The following STAM2 variants were observed in gnomAD, a reference collection of about 807,000 sequenced individuals.
STAM2 encodes signal transducing adapter molecule 2.
In STAM2, 51 loss-of-function variants were observed where a neutral mutation model predicts 65.6. The observed-to-expected ratio is 0.78, with a 90% CI of 0.62 to 0.98. The LOEUF (loss-of-function observed/expected upper bound fraction) is 0.98, where lower values mean the gene tolerates loss of function less well. Among genes scored for constraint, STAM2 ranks in the 50% least tolerant of loss-of-function variants. The pLI is 0.00. For synonymous variants in STAM2, 198 were observed against 208.4 expected, an observed-to-expected ratio of 0.95 and a Z score of 0.43; for missense variants, 584 against 617.8, an observed-to-expected ratio of 0.95 and a Z score of 0.58.
chr2:152,155,682 G>C (rs1419856428), intron 1 of STAM2, among the ~76,000 whole-genome samples: 2 of 152,144 alleles, frequency 1.3e-5, no homozygotes, highest in Non-Finnish European at 2.9e-5. Context: ...TTATGATGCA[G>C]TTTTTGCTAT....
In STAM2 at chr2:152,118,684, C is replaced by T. The variant is rs553624612; in HGVS notation, c.*1890G>A. On this transcript the variant is annotated 3_prime_UTR_variant, in exon 14 of 14. Coordinates refer to ENST00000263904, the MANE Select transcript of STAM2 (RefSeq NM_005843.6). ...TATATATGCAAATGTTGACTATTATCGAGAGCAGCTTTGGATTTTTTTTAA... is the reference window on the plus strand; with the variant it reads ...TATATATGCAAATGTTGACTATTATTGAGAGCAGCTTTGGATTTTTTTTAA... The T allele has an allele frequency of 2.2e-4, 33 of 149,462 alleles. No homozygotes were observed. In the South Asian group the frequency reaches 5.7e-3, roughly 26 times the overall value. 9.3% of individuals were successfully genotyped at this position (149,462 alleles called of 1,614,324 possible).
chr2:152,126,247 T>C lies in STAM2; in HGVS notation c.1158A>G (p.Ala386=), dbSNP rs776924816. The change falls in exon 12 of 14, where the codon GCA becomes GCG. Residue 386 remains alanine, a synonymous_variant. Transcript: ENST00000263904. ...TCACCTGCATTGGAACCCCAGATGA[T>C]GCAGGTGGGTAATGTGCTGGAGGGT... ...KLHPPAHYPP[A]SSGVPMQTYP... The C allele has an allele frequency of 1.3e-6, 2 of 1,598,686 alleles. No homozygotes were observed. The highest frequency in any genetic ancestry group is 1.1e-5 in the South Asian group (1 of 88,022).
intron 1 of STAM2, among the ~76,000 whole-genome samples, chr2:152,168,865 T>C (rs1189726350): frequency 1.3e-5 from 2 of 152,214 alleles, no homozygotes; most frequent in African/African-American, 4.8e-5. Flanking sequence ...TTGATTATTG[T>C]CTATTGTCAA....
chr2:152,163,602 C>T (rs1377431067), intron 1 of STAM2, among the ~76,000 whole-genome samples: 2 of 152,112 alleles, frequency 1.3e-5, no homozygotes, highest in African/African-American at 2.4e-5. Context: ...GGTCTGACTG[C>T]CTGCGGGGTA....
intron 13 of STAM2, among the ~76,000 whole-genome samples, chr2:152,122,270 T>C (rs1281490363): frequency 6.6e-6 from 1 of 150,758 alleles, no homozygotes; most frequent in African/African-American, 2.4e-5. Context: ...CTACAAAAAA[T>C]TAATAACATT....
At chr2:152,132,310 T>C in intron 10 of STAM2, 142 bp from the exon 11 acceptor site, 1 of 561,342 alleles carries the variant, frequency 1.8e-6, no homozygotes, top group Non-Finnish European at 3.1e-6. Context: ...AGACTACTAT[T>C]CAGCACTACT....
intron 1 of STAM2, among the ~76,000 whole-genome samples, chr2:152,171,465 A>G (rs1459355950): frequency 6.6e-6 from 1 of 152,228 alleles, no homozygotes; most frequent in Admixed American, 6.5e-5. Context: ...AGAGTGGCCT[A>G]GTTAAGTAAA....
intron 1 of STAM2, among the ~76,000 whole-genome samples, chr2:152,171,418 A>T (rs1044829036): frequency 8.8e-5 from 8 of 90,988 alleles, no homozygotes; most frequent in East Asian, 1.5e-3. Flanking sequence ...TTTTAAAAAA[A>T]TTTTTACTTT....
intron 1 of STAM2, among the ~76,000 whole-genome samples, chr2:152,169,209 G>C (rs139139303): frequency 1.2e-4 from 18 of 152,242 alleles, no homozygotes; most frequent in Non-Finnish European, 2.1e-4. Context: ...CTAAAGATTA[G>C]TAAGAAATGT....
intron 13 of STAM2, among the ~76,000 whole-genome samples, chr2:152,122,077 T>C (rs1254432456): frequency 1.1e-5 from 1 of 89,658 alleles, no homozygotes; most frequent in African/African-American, 3.7e-5. Context: ...TATATATATA[T>C]GTGTGTGTGT....
rs1688901995 is a variant in STAM2 at position 152,123,678 on chromosome 2, CTTCATCTTAAT to C, written c.1349+77_1349+87del. 7 of 1,277,000 alleles carry C rather than the reference CTTCATCTTAAT, an allele frequency of 5.5e-6. 1 individual carries two copies. In the African/African-American group the frequency reaches 1.1e-4, roughly 19 times the overall value. 79.1% of individuals were successfully genotyped at this position (1,277,000 alleles called of 1,614,324 possible). A position where few individuals can be genotyped will look rare whatever the true frequency, so the allele number is the denominator to read the frequency against. On this transcript the variant is annotated intron_variant, in intron 13 of 13. Coordinates refer to ENST00000263904, the MANE Select transcript of STAM2 (RefSeq NM_005843.6). ...GGATTATGAATAAACAGTTCTGTAA[CTTCATCTTAAT>C]AAGGGTCTATATATTCTCATTCTGA...
chr2:152,172,121 G>A (rs1459216866), intron 1 of STAM2, among the ~76,000 whole-genome samples: 1 of 152,180 alleles, frequency 6.6e-6, no homozygotes, highest in Non-Finnish European at 1.5e-5. Flanking sequence ...GGGGAGAAGA[G>A]GTGGGACCTA....
intron 13 of STAM2, among the ~76,000 whole-genome samples, chr2:152,122,010 T>G (rs1354532381): frequency 6.6e-6 from 1 of 151,034 alleles, no homozygotes; most frequent in East Asian, 1.9e-4. Flanking sequence ...ATCATGCTGC[T>G]GCACTCCAGC....
intron 7 of STAM2, among the ~76,000 whole-genome samples, chr2:152,143,619 A>G (rs114050729): frequency 6.6e-6 from 1 of 152,254 alleles, no homozygotes; most frequent in African/African-American, 2.4e-5. Context: ...TTCATCCAAG[A>G]TATAAATTAT....
chr2:152,174,637 C>T (rs970716124), intron 1 of STAM2, among the ~76,000 whole-genome samples: 1 of 152,142 alleles, frequency 6.6e-6, no homozygotes, highest in African/African-American at 2.4e-5. Flanking sequence ...AGTCTCCCCG[C>T]CCCAACCCCA....
At chr2:152,169,856 CTT>C (rs534239660) in intron 1 of STAM2, among the ~76,000 whole-genome samples, 10 of 142,154 alleles carry the variant, frequency 7.0e-5, no homozygotes, top group African/African-American at 7.7e-5. Context: ...AAGAGCTACA[CTT>C]TTTTTTTTTT....
Position 152,150,154 on chromosome 2 carries a change from G to T in STAM2, c.116C>A (p.Thr39Asn), listed in dbSNP as rs773907134. Reference sequence around the variant, plus strand: ...TGACTGGACATCTTACCCATTAGGAGTACTTCCAACTTTGTCACATATGTC... The same window carrying T: ...TGACTGGACATCTTACCCATTAGGATTACTTCCAACTTTGTCACATATGTC... Reference protein sequence around the residue: ...IMDICDKVGSTPNGAKDCLKA... With the variant: ...IMDICDKVGSNPNGAKDCLKA... The change falls in exon 2 of 14, where the codon ACT becomes AAT. Residue 39 changes from threonine to asparagine, a missense_variant. Coordinates refer to ENST00000263904, the MANE Select transcript of STAM2 (RefSeq NM_005843.6). 3 of 1,609,352 alleles carry T rather than the reference G, an allele frequency of 1.9e-6. No individual in the cohort carries two copies. The South Asian group carries it at 3.3e-5, about 18-fold the overall frequency.
At chr2:152,175,316 C>A (rs974924253) in intron 1 of STAM2, among the ~76,000 whole-genome samples, 1 of 152,192 alleles carries the variant, frequency 6.6e-6, no homozygotes, top group Non-Finnish European at 1.5e-5. Flanking sequence ...CTTAATCAGT[C>A]CAGTCTCCAG....
intron 12 of STAM2, 54 bp from the exon 13 acceptor site, chr2:152,123,989 T>C (rs1316355934): frequency 3.7e-5 from 52 of 1,423,514 alleles, no homozygotes; most frequent in Non-Finnish European, 4.8e-5. Context: ...ATGTGCCTAA[T>C]AATATATTTA....
Sources: gnomAD v4.1 joint callset for allele counts (sites outside exome capture counted in the v4.1 genomes callset) on GRCh38, gnomAD v4.1.1 for gene constraint, MANE v1.5 for transcripts, NCBI Gene and HGNC (gene_info 2026-07-23, HGNC 2026-07-21) for gene names.